Variants in NRXN3 observed in about 807,000 individuals in gnomAD.
The protein encoded by NRXN3 is neurexin 3.
NRXN3 carries 32 observed loss-of-function variants against 137.6 expected under a neutral mutation model. That is an observed-to-expected ratio of 0.23 (90% CI 0.18 to 0.31). The LOEUF is 0.31. Among genes scored for constraint, NRXN3 ranks in the 10% least tolerant of loss-of-function variants. NRXN3 has a pLI of 1.00. For missense variants in NRXN3, 1,574 were observed against 2,062.5 expected (o/e 0.76, Z 4.59); for synonymous variants, 798 against 784.5 (o/e 1.02, Z -0.29).
At chr14:79,153,242 T>A (rs930281953) in intron 15 of NRXN3, among the ~76,000 whole-genome samples, 1 of 152,038 alleles carries the variant, frequency 6.6e-6, no homozygotes, top group Non-Finnish European at 1.5e-5. Context: ...AACACAGCTA[T>A]TTTCAAAACA....
At chr14:79,599,674 A>C (rs1267720830) in intron 16 of NRXN3, among the ~76,000 whole-genome samples, 1 of 152,224 alleles carries the variant, frequency 6.6e-6, no homozygotes, top group African/African-American at 2.4e-5. Context: ...CACTTTATGT[A>C]TATTTACTTG....
intron 4 of NRXN3, among the ~76,000 whole-genome samples, chr14:78,400,106 C>A (rs1460542533): frequency 6.6e-6 from 1 of 152,058 alleles, no homozygotes; most frequent in Non-Finnish European, 1.5e-5. Flanking sequence ...TTACTTCATT[C>A]TATTAGAAAT....
At chr14:78,303,359 G>T (rs1419605262) in intron 4 of NRXN3, among the ~76,000 whole-genome samples, 1 of 152,080 alleles carries the variant, frequency 6.6e-6, no homozygotes, top group Non-Finnish European at 1.5e-5. Flanking sequence ...CTACTAGATT[G>T]CACGTACGTT....
At chr14:79,138,676 A>C (rs2058495134) in intron 15 of NRXN3, among the ~76,000 whole-genome samples, 1 of 152,260 alleles carries the variant, frequency 6.6e-6, no homozygotes, top group South Asian at 2.1e-4. Context: ...ATATCTTGTT[A>C]AAATCACTAG....
chr14:78,924,825 A>T (rs1241758130), intron 10 of NRXN3, among the ~76,000 whole-genome samples: 1 of 152,264 alleles, frequency 6.6e-6, no homozygotes, highest in Admixed American at 6.5e-5. Context: ...TCCAAAAGGG[A>T]TTGTTTAGAC....
At chr14:79,491,840 G>T (rs2096720385) in intron 16 of NRXN3, among the ~76,000 whole-genome samples, 1 of 152,108 alleles carries the variant, frequency 6.6e-6, no homozygotes, top group Admixed American at 6.5e-5. Flanking sequence ...ACATTAAGAA[G>T]AATCTTCTTC....
intron 17 of NRXN3, among the ~76,000 whole-genome samples, chr14:79,678,114 G>A (rs1442587925): frequency 4.0e-5 from 6 of 151,820 alleles, no homozygotes; most frequent in African/African-American, 1.2e-4. Context: ...TTTGATTTGT[G>A]CCACTCACCA....
chr14:79,787,463 C>G (rs1312553217), intron 19 of NRXN3, among the ~76,000 whole-genome samples: 1 of 152,136 alleles, frequency 6.6e-6, no homozygotes, highest in Non-Finnish European at 1.5e-5. Flanking sequence ...ATTATTAACT[C>G]TAGTCACCAT....
intron 8 of NRXN3, among the ~76,000 whole-genome samples, chr14:78,731,607 ATGTGTGTGTGTGTGTGTGTGTC>A (rs1381860088): frequency 6.7e-6 from 1 of 148,758 alleles, no homozygotes; most frequent in African/African-American, 2.5e-5. Context: ...GTATATATAT[ATGTGTGTGTGTGTGTGTGTGTC>A]TCTGTGTGTG....
intron 20 of NRXN3, among the ~76,000 whole-genome samples, chr14:79,822,631 A>G (rs1158477081): frequency 6.6e-6 from 1 of 152,188 alleles, no homozygotes; most frequent in Non-Finnish European, 1.5e-5. Flanking sequence ...TCAAAGACTG[A>G]AGGCCTTTTT....
chr14:78,823,752 AC>A (rs1406152092), intron 10 of NRXN3, among the ~76,000 whole-genome samples: 1 of 152,178 alleles, frequency 6.6e-6, no homozygotes, highest in Non-Finnish European at 1.5e-5. Flanking sequence ...TATTTAATAC[AC>A]TATAGAAAGA....
chr14:78,783,904 C>G (rs757103813), intron 8 of NRXN3, among the ~76,000 whole-genome samples: 1 of 151,940 alleles, frequency 6.6e-6, no homozygotes, highest in Non-Finnish European at 1.5e-5. Flanking sequence ...ATAGAGAAGA[C>G]GATGCTCAAA....
At chr14:79,753,173 G>T (rs182438134) in intron 19 of NRXN3, among the ~76,000 whole-genome samples, 49 of 152,066 alleles carry the variant, frequency 3.2e-4, no homozygotes, top group African/African-American at 1.1e-3. Context: ...GATTCCTCAG[G>T]GACCAAGAAC....
At position 79,857,739 on chromosome 14, in the gene NRXN3, T is replaced by C. The variant is rs1035240349; in HGVS notation, c.4094-3603T>C. ...AATGTTCTACCTATTTTCATTAGAA[T>C]TGCTATTTGTCATAAGGACCCCCGT... On this transcript the variant is annotated intron_variant, in intron 20 of 20. Transcript: ENST00000335750. Among the ~76,000 whole-genome samples, 3 of 152,328 alleles carry C rather than the reference T, an allele frequency of 2.0e-5. No individual in the cohort carries two copies. The East Asian group carries it at 5.8e-4, about 29-fold the overall frequency.
At chr14:79,244,810 C>T (rs2074911370) in intron 15 of NRXN3, among the ~76,000 whole-genome samples, 1 of 152,194 alleles carries the variant, frequency 6.6e-6, no homozygotes, top group East Asian at 1.9e-4. Flanking sequence ...ACTGAATAGG[C>T]AATGATTTCA....
chr14:78,256,508 G>T (rs1430050470), intron 2 of NRXN3, among the ~76,000 whole-genome samples: 1 of 152,186 alleles, frequency 6.6e-6, no homozygotes, highest in Non-Finnish European at 1.5e-5. Context: ...TGTGGTTTTG[G>T]GGTCTTGGTA....
intron 19 of NRXN3, among the ~76,000 whole-genome samples, chr14:79,767,514 G>A (rs2099060092): frequency 6.6e-6 from 1 of 152,274 alleles, no homozygotes; most frequent in East Asian, 1.9e-4. Flanking sequence ...ACACATTTGT[G>A]TAATTAAGTG....
chr14:78,958,991 T>C (rs1470021373), intron 11 of NRXN3, among the ~76,000 whole-genome samples: 1 of 152,240 alleles, frequency 6.6e-6, no homozygotes, highest in Non-Finnish European at 1.5e-5. Flanking sequence ...TTTTTCCTAA[T>C]TTCCTCATTT....
intron 4 of NRXN3, among the ~76,000 whole-genome samples, chr14:78,559,749 A>G (rs1409394684): frequency 6.6e-6 from 1 of 152,230 alleles, no homozygotes. Flanking sequence ...GAAAAAGTTG[A>G]TTTGGACTTG....
Sources: allele counts gnomAD v4.1 joint callset (sites outside exome capture counted in the v4.1 genomes callset), GRCh38; gene constraint gnomAD v4.1.1; transcripts MANE v1.5; gene names NCBI Gene and HGNC (gene_info 2026-07-23, HGNC 2026-07-21).